The following SRCIN1 variants were observed in gnomAD, a reference collection of about 807,000 sequenced individuals.
SRCIN1 encodes the protein P130Cas-associated protein.
In SRCIN1, 50 loss-of-function variants were observed where a neutral mutation model predicts 116.2. The ratio of observed to expected loss-of-function variants is 0.43; its 90% CI spans 0.34 to 0.54. The LOEUF is 0.54. Ranked by LOEUF, SRCIN1 falls within the 20% of genes least tolerant of loss-of-function variation. SRCIN1 has a pLI of 0.02. For synonymous variants in SRCIN1, 736 were observed against 750.0 expected (o/e 0.98, Z 0.30); for missense variants, 1,446 against 1,672.0 (o/e 0.86, Z 2.36).
chr17:38,567,539 G>C (rs532756011), intron 3 of SRCIN1, among the ~76,000 whole-genome samples: 1 of 152,274 alleles, frequency 6.6e-6, no homozygotes, highest in South Asian at 2.1e-4. Flanking sequence ...CTGTCATGAT[G>C]CCTGGGACTT....
intron 18 of SRCIN1, among the ~76,000 whole-genome samples, chr17:38,539,647 G>A (rs1904605574): frequency 2.0e-5 from 3 of 152,140 alleles, no homozygotes; most frequent in Admixed American, 2.0e-4. Context: ...TTCCCCCAGG[G>A]AGTCACAGCC....
intron 1 of SRCIN1, among the ~76,000 whole-genome samples, chr17:38,597,723 C>T (rs2429993): frequency 0.052 from 7,846 of 152,272 alleles, 419 homozygotes; most frequent in South Asian, 0.14. Context: ...CCTATCCACT[C>T]CCACCCCTCT....
rs746509390 is a variant in SRCIN1, at chr17:38,604,445, C to T, written c.22+1239G>A. The T allele has an allele frequency of 1.8e-5, 8 of 440,274 alleles. No homozygotes were observed. The East Asian group carries it at 6.2e-4, about 34-fold the overall frequency. 27.3% of individuals were successfully genotyped at this position (440,274 alleles called of 1,614,324 possible). A position where few individuals can be genotyped will look rare whatever the true frequency, so the allele number is the denominator to read the frequency against. ...ATTTGAGGAGGGGGGCTGGGAAGATCCCCCTCCTTGCATACTTCCCCGCGC... is the reference window on the plus strand; with the variant it reads ...ATTTGAGGAGGGGGGCTGGGAAGATTCCCCTCCTTGCATACTTCCCCGCGC... On this transcript the variant is annotated intron_variant, in intron 1 of 18. Coordinates refer to ENST00000617146, the MANE Select transcript of SRCIN1 (RefSeq NM_025248.3). The surrounding 1 kb of genome is among the most constrained non-coding windows in gnomAD (Gnocchi z 4.3).
chr17:38,564,357 C>T (rs558580963), intron 3 of SRCIN1, 44 bp from the exon 4 acceptor site: 24 of 1,447,538 alleles, frequency 1.7e-5, no homozygotes, highest in Non-Finnish European at 1.9e-5. Flanking sequence ...GATGAGCACC[C>T]CCCCTCCCCT....
At chr17:38,579,173 G>C (rs1907630582) in intron 1 of SRCIN1, among the ~76,000 whole-genome samples, 1 of 152,200 alleles carries the variant, frequency 6.6e-6, no homozygotes, top group Non-Finnish European at 1.5e-5. Flanking sequence ...CCTAAAGCTG[G>C]TGCCAGCAGG....
intron 1 of SRCIN1, among the ~76,000 whole-genome samples, chr17:38,593,546 G>A (rs1185785642): frequency 6.6e-6 from 1 of 152,100 alleles, no homozygotes; most frequent in Non-Finnish European, 1.5e-5. Flanking sequence ...AACCCCTCAG[G>A]TCTGTCGTCT....
chr17:38,551,828 G>C lies in SRCIN1; in HGVS notation c.2727+58C>G, dbSNP rs532388713. ...GGCACTCCCCACTCTAGGAAGGATG[G>C]TCGTAAGAATGTGTGAACCTGGCTC... On this transcript the variant is annotated intron_variant, in intron 14 of 18. Coordinates refer to ENST00000617146, the MANE Select transcript of SRCIN1 (RefSeq NM_025248.3). 8.7e-6 allele frequency: 14 copies of C among 1,607,690 alleles called. No individual in the cohort carries two copies. In the East Asian group the frequency reaches 2.2e-4, roughly 26 times the overall value.
intron 1 of SRCIN1, among the ~76,000 whole-genome samples, chr17:38,581,466 C>CT (rs55779119): frequency 0.18 from 24,134 of 134,580 alleles, 2,200 homozygotes; most frequent in African/African-American, 0.23. Context: ...ACACCCAGGT[C>CT]TTTTTTTTTT....
At position 38,591,376 on chromosome 17, in the gene SRCIN1, C is replaced by T. The variant is rs1239145378; in HGVS notation, c.23-12585G>A. Among the ~76,000 whole-genome samples, 3 of 152,292 alleles carry T rather than the reference C, an allele frequency of 2.0e-5. No homozygotes were observed. The East Asian group carries it at 5.8e-4, about 29-fold the overall frequency. ...TGAACCGGAACCTTCTGTCATAAGC[C>T]CTCAGGTCCTTCCTGTGTGGCCCAG... is the stretch of plus-strand genomic sequence containing the variant. On this transcript the variant is annotated intron_variant, in intron 1 of 18. Coordinates refer to ENST00000617146, the MANE Select transcript of SRCIN1 (RefSeq NM_025248.3).
intron 17 of SRCIN1, among the ~76,000 whole-genome samples, chr17:38,548,349 C>A (rs1018643545): frequency 6.6e-6 from 1 of 152,180 alleles, no homozygotes; most frequent in Non-Finnish European, 1.5e-5. Flanking sequence ...AAAACTCAAA[C>A]CTGCAAGGAG....
At chr17:38,559,980 G>A in intron 9 of SRCIN1, 74 bp downstream of exon 9, 5 of 1,397,972 alleles carry the variant, frequency 3.6e-6, no homozygotes, top group Non-Finnish European at 5.0e-6. Context: ...TGTAGCTATT[G>A]CTTAATCCCC....
rs779303873 is a variant in SRCIN1 at position 38,563,587 on chromosome 17, G to T, written c.542-66C>A. The T allele has an allele frequency of 2.6e-6, 4 of 1,533,258 alleles. No homozygotes were observed. The highest frequency in any genetic ancestry group is 3.5e-6 in the Non-Finnish European group (4 of 1,143,008). The allele number at this position is 1,533,258 out of a possible 1,614,324, so 95.0% of individuals were successfully genotyped here. ...TCCACGCCGCCCTCCAGGAGAGCGC[G>T]GGGAGCTTTTCGGAGCTGCGCCAGC... On this transcript the variant is annotated intron_variant, in intron 4 of 18. Coordinates refer to ENST00000617146, the MANE Select transcript of SRCIN1 (RefSeq NM_025248.3). This position sits in a 1 kb window ranked among gnomAD's most constrained non-coding sequence, Gnocchi z 5.8.
intron 11 of SRCIN1, among the ~76,000 whole-genome samples, chr17:38,557,497 C>T (rs1202509940): frequency 1.3e-5 from 2 of 152,134 alleles, no homozygotes; most frequent in African/African-American, 2.4e-5. Flanking sequence ...GTCTCAGATC[C>T]TTATCACTGG....
At chr17:38,598,531 GGGGCCCCTCTAT>G (rs1226983530) in intron 1 of SRCIN1, among the ~76,000 whole-genome samples, 1 of 152,154 alleles carries the variant, frequency 6.6e-6, no homozygotes, top group Non-Finnish European at 1.5e-5. Flanking sequence ...GCTGAGTCTG[GGGGCCCCTCTAT>G]GGGCCCCTGG....
rs556247381 is a variant in SRCIN1, at chr17:38,531,967, C to T, written c.*1330G>A. The stretch of plus-strand genomic sequence containing the variant: ...TCCTCTTCTCCTATCCTCTCCCTAC[C>T]GGCTCCTCACTGTGCCCTCTGGGGG... On this transcript the variant is annotated 3_prime_UTR_variant, in exon 19 of 19. Transcript: ENST00000617146. 2.8e-4 allele frequency: 43 copies of T among 152,916 alleles called. No individual in the cohort carries two copies. The highest frequency in any genetic ancestry group is 6.7e-3 in the Middle Eastern group (2 of 300). 9.5% of individuals were successfully genotyped at this position (152,916 alleles called of 1,614,324 possible). A position where few individuals can be genotyped will look rare whatever the true frequency, so the allele number is the denominator to read the frequency against.
rs765558528 is a variant in SRCIN1, at chr17:38,558,268, C to T, written c.2160G>A (p.Leu720=). The stretch of plus-strand genomic sequence containing the variant: ...TAAGCTCCTCGTCGTTGAGATAGCG[C>T]AGCCGTTCCTCTTCCACCAGGGTGC... ...RQRTLVEEER[L]RYLNDEELIT... The change falls in exon 11 of 19, where the codon CTG becomes CTA. Residue 720 remains leucine (L), a synonymous_variant. Transcript: ENST00000617146. This position sits in a 1 kb window ranked among gnomAD's most constrained non-coding sequence, Gnocchi z 4.6. The T allele has an allele frequency of 5.0e-6, 8 of 1,612,810 alleles. No individual in the cohort carries two copies. In the African/African-American group the frequency reaches 1.1e-4, roughly 22 times the overall value.
chr17:38,549,465 G>A (rs975592795), intron 15 of SRCIN1, among the ~76,000 whole-genome samples: 20 of 152,228 alleles, frequency 1.3e-4, no homozygotes, highest in African/African-American at 3.9e-4. Context: ...CACTGGCAGC[G>A]CCTGGCAGCT....
chr17:38,591,626 G>A (rs1908447252), intron 1 of SRCIN1, among the ~76,000 whole-genome samples: 1 of 152,220 alleles, frequency 6.6e-6, no homozygotes, highest in Admixed American at 6.5e-5. Context: ...CTGTTCCAGG[G>A]CCAGAACATA....
At position 38,563,433 on chromosome 17, in the gene SRCIN1, G is replaced by T; in HGVS notation, c.630C>A (p.Ile210=). Residue 210 remains isoleucine, a synonymous_variant, in exon 5 of 19, where the codon ATC becomes ATA. Transcript: ENST00000617146. The surrounding 1 kb of genome is among the most constrained non-coding windows in gnomAD (Gnocchi z 5.8). ...VSSLDTLHAL[I]AHMFPQKLTM... ...TGAGCTTCTGCGGGAACATGTGCGC[G>T]ATGAGTGCGTGCAGCGTGTCCAGGC... The T allele has an allele frequency of 1.3e-6, 2 of 1,565,742 alleles. No homozygotes were observed. Among genetic ancestry groups the T allele is most frequent in the East Asian group, 2.4e-5 (1 of 42,028 alleles).
Sources: gnomAD v4.1 joint callset for allele counts (sites outside exome capture counted in the v4.1 genomes callset) on GRCh38, gnomAD v4.1.1 for gene constraint, Gnocchi (gnomAD v3.1) non-coding constraint, MANE v1.5 for transcripts, NCBI Gene and HGNC (gene_info 2026-07-23, HGNC 2026-07-21) for gene names.